The following RMND5B variants were observed in gnomAD, a reference collection of about 807,000 sequenced individuals.
RMND5B encodes required for meiotic nuclear division 5 homolog B.
RMND5B carries 42 observed loss-of-function variants against 50.4 expected under a neutral mutation model. That is an observed-to-expected ratio of 0.83 (90% CI 0.65 to 1.08). The LOEUF (loss-of-function observed/expected upper bound fraction) is 1.08, where lower values mean the gene tolerates loss of function less well. RMND5B is among the 50% of genes least tolerant of loss of function. RMND5B has a pLI of 0.00. For missense variants in RMND5B, 463 were observed against 508.5 expected, an observed-to-expected ratio of 0.91 and a Z score of 0.86; for synonymous variants, 220 against 210.0, an observed-to-expected ratio of 1.05 and a Z score of -0.41.
At position 178,143,650 on chromosome 5, in the gene RMND5B, G is replaced by C; in HGVS notation, c.450G>C (p.Leu150Phe). 1 of 1,613,960 alleles carries C rather than the reference G, an allele frequency of 6.2e-7. No individual in the cohort carries two copies. Among genetic ancestry groups the C allele is most frequent in the Non-Finnish European group, 8.5e-7 (1 of 1,179,840 alleles). ...LCQESTLNVD[L>F]DFKQPFLELN... Reference sequence around the variant, plus strand: ...AGGAATCAACGCTGAATGTGGACTTGGATTTCAAGCAGCCTTTCCTAGAGT... The same window carrying C: ...AGGAATCAACGCTGAATGTGGACTTCGATTTCAAGCAGCCTTTCCTAGAGT... The change falls in exon 6 of 11, where the codon TTG becomes TTC. Residue 150 changes from leucine to phenylalanine, a missense_variant. By Grantham distance (22) the Leu-to-Phe change is conservative. Coordinates refer to ENST00000313386, the MANE Select transcript of RMND5B (RefSeq NM_022762.5).
At position 178,147,576 on chromosome 5, in the gene RMND5B, A is replaced by G. The variant is rs1756089282; in HGVS notation, c.904A>G (p.Lys302Glu). The G allele has an allele frequency of 1.9e-6, 3 of 1,613,986 alleles. No individual in the cohort carries two copies. The highest frequency in any genetic ancestry group is 1.1e-5 in the South Asian group (1 of 91,086). Reference sequence around the variant, plus strand: ...GGCGCTGCCTGTGTTGATGAACATCAAGGCTGTGATTGAGCAGCGGCAGTG... The same window carrying G: ...GGCGCTGCCTGTGTTGATGAACATCGAGGCTGTGATTGAGCAGCGGCAGTG... ...CVALPVLMNIKAVIEQRQCTG... is the reference protein window; with the variant it reads ...CVALPVLMNIEAVIEQRQCTG... The change falls in exon 9 of 11, where the codon AAG becomes GAG. Residue 302 changes from lysine (K) to glutamate (E), a missense_variant. By Grantham distance (56) the Lys-to-Glu change is moderately conservative. Coordinates refer to ENST00000313386, the MANE Select transcript of RMND5B (RefSeq NM_022762.5).
At chr5:178,136,170 A>G (rs1430828261) in intron 2 of RMND5B, 1 of 152,180 alleles carries the variant, frequency 6.6e-6, no homozygotes, top group East Asian at 1.9e-4. Flanking sequence ...CAACTGATTT[A>G]ATCTTTGTGT....
intron 2 of RMND5B, chr5:178,133,421 T>C (rs1013527812): frequency 1.3e-5 from 2 of 152,210 alleles, no homozygotes; most frequent in Non-Finnish European, 2.9e-5. Context: ...TTTTTTAAAT[T>C]TGAGACGGAG....
Position 178,149,777 on chromosome 5 carries a change from T to A in RMND5B, c.*1745T>A. On this transcript the variant is annotated 3_prime_UTR_variant, in exon 11 of 11. Transcript: ENST00000313386. The stretch of plus-strand genomic sequence containing the variant: ...CTCATCGTAAGCCTCCTGGTACTCC[T>A]CATGGGGCTTGACCATTATCACACA... 1.2e-6 allele frequency: 2 copies of A among 1,613,996 alleles called. No homozygotes were observed. The highest frequency in any genetic ancestry group is 1.7e-6 in the Non-Finnish European group (2 of 1,179,906).
At chr5:178,143,824 T>C (rs1755824531) in intron 6 of RMND5B, 97 bp downstream of exon 6, 3 of 1,463,174 alleles carry the variant, frequency 2.1e-6, no homozygotes, top group Non-Finnish European at 1.9e-6. Flanking sequence ...TGTACTTGAC[T>C]TGCCTGCAGC....
At chr5:178,140,525 G>A (rs1758871450) in intron 3 of RMND5B, among the ~76,000 whole-genome samples, 1 of 151,936 alleles carries the variant, frequency 6.6e-6, no homozygotes, top group African/African-American at 2.4e-5. Context: ...GTTTTCCACT[G>A]TAAACTTCCT....
In RMND5B at chr5:178,148,950, T is replaced by A. The variant is rs1370475308; in HGVS notation, c.*918T>A. 1 of 152,296 alleles carries A rather than the reference T, an allele frequency of 6.6e-6. No homozygotes were observed. The highest frequency in any genetic ancestry group is 1.5e-5 in the Non-Finnish European group (1 of 68,118). 9.4% of individuals were successfully genotyped at this position (152,296 alleles called of 1,614,324 possible). ...CCAGGGTGCCTGAACTTGGCTGTTATGTATACTGAGTCCTGTGCAGGGCCT... is the reference window on the plus strand; with the variant it reads ...CCAGGGTGCCTGAACTTGGCTGTTAAGTATACTGAGTCCTGTGCAGGGCCT... On this transcript the variant is annotated 3_prime_UTR_variant, in exon 11 of 11. Transcript: ENST00000313386.
chr5:178,135,258 TC>T, intron 2 of RMND5B: 1 of 239,818 alleles, frequency 4.2e-6, no homozygotes, highest in Non-Finnish European at 9.1e-6. Flanking sequence ...CAGTCCTCCG[TC>T]CCACCTCAGC....
At chr5:178,141,189 CTT>C (rs1294702178) in intron 3 of RMND5B, among the ~76,000 whole-genome samples, 1 of 152,164 alleles carries the variant, frequency 6.6e-6, no homozygotes, top group African/African-American at 2.4e-5. Context: ...CTATAATTCA[CTT>C]ACCATTAAAC....
In RMND5B at chr5:178,148,580, A is replaced by C; in HGVS notation, c.*548A>C. 1 of 157,692 alleles carries C rather than the reference A, an allele frequency of 6.3e-6. No individual in the cohort carries two copies. The highest frequency in any genetic ancestry group is 1.4e-5 in the Non-Finnish European group (1 of 71,490). The allele number at this position is 157,692 out of a possible 1,614,324, so 9.8% of individuals were successfully genotyped here. A position where few individuals can be genotyped will look rare whatever the true frequency, so the allele number is the denominator to read the frequency against. ...CTGCCCTTCTCATTTCTCCTGGCCA[A>C]CCTTTAGCCTCACTGACAAATTATG... On this transcript the variant is annotated 3_prime_UTR_variant, in exon 11 of 11. Coordinates refer to ENST00000313386, the MANE Select transcript of RMND5B (RefSeq NM_022762.5).
rs562353581 is a variant in RMND5B, at chr5:178,137,807, G to A, written c.-12-301G>A. 3.0e-4 allele frequency among the ~76,000 whole-genome samples: 46 copies of A among 152,106 alleles called. No homozygotes were observed. Among genetic ancestry groups the A allele is most frequent in the Non-Finnish European group, 6.0e-4 (41 of 68,028 alleles). On this transcript the variant is annotated intron_variant, in intron 2 of 10. Transcript: ENST00000313386. This position sits in a 1 kb window ranked among gnomAD's most constrained non-coding sequence, Gnocchi z 4.4. ...GCTCTCTATTCTGATTTAAAAGGGA[G>A]ATGAACAAAAATTAAGGCATGAAAA...
At chr5:178,136,881 T>G (rs1247792001) in intron 2 of RMND5B, among the ~76,000 whole-genome samples, 1 of 151,878 alleles carries the variant, frequency 6.6e-6, no homozygotes, top group Non-Finnish European at 1.5e-5. Context: ...GGAGAGGAGA[T>G]AGGACAAGAA....
chr5:178,143,908 C>T (rs375932435), intron 6 of RMND5B, 34 bp from the exon 7 acceptor site: 3 of 1,559,110 alleles, frequency 1.9e-6, no homozygotes, highest in Non-Finnish European at 2.6e-6. Flanking sequence ...TAGCCCCCAC[C>T]AGCTCTACAC....
chr5:178,144,705 T>A (rs6876480), intron 7 of RMND5B, among the ~76,000 whole-genome samples: 1 of 141,206 alleles, frequency 7.1e-6, no homozygotes, highest in South Asian at 2.3e-4. Context: ...GGTGACAGAG[T>A]GAGACTCCGT....
Position 178,142,662 on chromosome 5 carries a change from G to T in RMND5B, c.219G>T (p.Gln73His). 1 of 1,614,248 alleles carries T rather than the reference G, an allele frequency of 6.2e-7. No individual in the cohort carries two copies. The highest frequency in any genetic ancestry group is 8.5e-7 in the Non-Finnish European group (1 of 1,180,050). ...QCCRKIKDTVQKLASDHKDIH... is the reference protein window; with the variant it reads ...QCCRKIKDTVHKLASDHKDIH... ...GCCGGAAGATCAAAGATACGGTGCA[G>T]AAACTGGCTTCGGACCATAAGGACA... Residue 73 changes from glutamine (Q) to histidine (H), a missense_variant, in exon 4 of 11, where the codon CAG becomes CAT. By Grantham distance (24) the Gln-to-His change is conservative. Transcript: ENST00000313386.
At chr5:178,146,592 G>A (rs957221601) in intron 8 of RMND5B, 4 of 289,466 alleles carry the variant, frequency 1.4e-5, no homozygotes, top group East Asian at 6.6e-5. Context: ...GCTAACCCAC[G>A]CCCCTCTGCA....
At position 178,149,861 on chromosome 5, in the gene RMND5B, G is replaced by T. The variant is rs1345679389; in HGVS notation, c.*1829G>T. 5 of 1,611,342 alleles carry T rather than the reference G, an allele frequency of 3.1e-6. No individual in the cohort carries two copies. In the African/African-American group the frequency reaches 6.7e-5, roughly 22 times the overall value. ...GTCCTACAGAGGGGAAAGAAGTGCTGTTTGGAAAAAAGCTGTACAACCTGT... is the reference window on the plus strand; with the variant it reads ...GTCCTACAGAGGGGAAAGAAGTGCTTTTTGGAAAAAAGCTGTACAACCTGT... On this transcript the variant is annotated 3_prime_UTR_variant, in exon 11 of 11. Transcript: ENST00000313386.
At chr5:178,143,161 AG>A in intron 5 of RMND5B, among the ~76,000 whole-genome samples, 169 bp downstream of exon 5, 1 of 152,360 alleles carries the variant, frequency 6.6e-6, no homozygotes. Flanking sequence ...TGAAAAGAGA[AG>A]TTACTCATTT....
At chr5:178,142,794 G>A (rs748282311) in intron 4 of RMND5B, 58 bp from the exon 5 acceptor site, 5 of 1,614,084 alleles carry the variant, frequency 3.1e-6, no homozygotes, top group Admixed American at 1.7e-5. Flanking sequence ...ACAAGGACTC[G>A]AAGGAGAGCC....
Sources: allele counts gnomAD v4.1 joint callset (sites outside exome capture counted in the v4.1 genomes callset), GRCh38; gene constraint gnomAD v4.1.1; non-coding constraint Gnocchi (gnomAD v3.1); transcripts MANE v1.5; gene names NCBI Gene and HGNC (gene_info 2026-07-23, HGNC 2026-07-21).